The following ZFHX3 variants were observed in gnomAD, a reference collection of about 807,000 sequenced individuals.
ZFHX3 encodes the protein zinc finger homeobox 3.
Under a neutral mutation model 279.1 loss-of-function variants are expected in ZFHX3, and 42 were observed. The observed-to-expected ratio is 0.15, with a 90% confidence interval of 0.12 to 0.19. The LOEUF is 0.19. Among genes scored for constraint, ZFHX3 ranks in the 10% least tolerant of loss-of-function variants. The pLI is 1.00. For synonymous variants in ZFHX3, 2,293 were observed against 1,957.8 expected (o/e 1.17, Z -4.52); for missense variants, 4,981 against 4,754.0 (o/e 1.05, Z -1.40).
At chr16:73,604,759 A>G (rs1358184378) in intron 2 of ZFHX3, among the ~76,000 whole-genome samples, 1 of 141,562 alleles carries the variant, frequency 7.1e-6, no homozygotes, top group Non-Finnish European at 1.6e-5. Context: ...AAAAAAAAAA[A>G]TCTCCCATGA....
chr16:73,655,749 A>C (rs1227489873), intron 2 of ZFHX3, among the ~76,000 whole-genome samples: 1 of 152,198 alleles, frequency 6.6e-6, no homozygotes, highest in East Asian at 1.9e-4. Context: ...GGAATTCTAA[A>C]ACACTTCTAG....
At chr16:73,717,140 G>T in intron 1 of ZFHX3, among the ~76,000 whole-genome samples, 1 of 152,138 alleles carries the variant, frequency 6.6e-6, no homozygotes, top group East Asian at 1.9e-4. Context: ...TATTCTGAAC[G>T]CAGTTATACC....
chr16:72,896,936 A>G (rs778964493), intron 3 of ZFHX3, among the ~76,000 whole-genome samples: 2 of 152,212 alleles, frequency 1.3e-5, no homozygotes, highest in Non-Finnish European at 2.9e-5. Context: ...CTACAGACAC[A>G]CCCGTGGCCG....
intron 1 of ZFHX3, among the ~76,000 whole-genome samples, chr16:73,771,427 T>C (rs1489966840): frequency 6.6e-6 from 1 of 152,134 alleles, no homozygotes; most frequent in Non-Finnish European, 1.5e-5. Context: ...CATGGACAAA[T>C]GAGGTCATAC....
chr16:73,821,088 C>A (rs1960726933), intron 1 of ZFHX3, among the ~76,000 whole-genome samples: 1 of 152,142 alleles, frequency 6.6e-6, no homozygotes, highest in Non-Finnish European at 1.5e-5. Context: ...AACACAGATT[C>A]AAAAACAGTC....
intron 2 of ZFHX3, among the ~76,000 whole-genome samples, chr16:72,952,813 A>G (rs1236365564): frequency 6.6e-6 from 1 of 152,202 alleles, no homozygotes. Context: ...TGGCTTAAAA[A>G]GAGCAGCCTT....
At chr16:72,812,174 T>C (rs1228551619) in intron 5 of ZFHX3, 136 bp from the exon 6 acceptor site, 2 of 1,237,648 alleles carry the variant, frequency 1.6e-6, no homozygotes, top group African/African-American at 3.1e-5. Context: ...AGGATGAACA[T>C]CCGGACTGAT....
At chr16:73,410,744 T>C (rs898325741) in intron 3 of ZFHX3, among the ~76,000 whole-genome samples, 2 of 152,242 alleles carry the variant, frequency 1.3e-5, no homozygotes, top group Non-Finnish European at 2.9e-5. Context: ...CATCCTCTGA[T>C]GATACTAATG....
chr16:73,886,381 G>A (rs2030347202), intron 1 of ZFHX3, among the ~76,000 whole-genome samples: 1 of 152,106 alleles, frequency 6.6e-6, no homozygotes, highest in Admixed American at 6.6e-5. Flanking sequence ...ACATTTGAAA[G>A]AAAGGGATCT....
intron 1 of ZFHX3, among the ~76,000 whole-genome samples, chr16:73,746,154 A>G (rs889445302): frequency 7.9e-5 from 12 of 152,248 alleles, no homozygotes; most frequent in African/African-American, 2.6e-4. Flanking sequence ...AATCAAGCAT[A>G]TCATTTGATT....
At chr16:73,732,167 A>G in intron 1 of ZFHX3, among the ~76,000 whole-genome samples, 1 of 152,226 alleles carries the variant, frequency 6.6e-6, no homozygotes, top group East Asian at 1.9e-4. Flanking sequence ...CAAGTTTGAT[A>G]TCAAACCAAA....
chr16:72,857,280 C>G (rs2037775558), intron 4 of ZFHX3, among the ~76,000 whole-genome samples: 1 of 152,198 alleles, frequency 6.6e-6, no homozygotes. Context: ...ATACCCAAGG[C>G]TAACCAAATC....
At chr16:72,882,635 G>A (rs1181686914) in intron 4 of ZFHX3, among the ~76,000 whole-genome samples, 1 of 152,110 alleles carries the variant, frequency 6.6e-6, no homozygotes, top group Non-Finnish European at 1.5e-5. Context: ...TCTCCAGGGG[G>A]ACCTTCCAGG....
chr16:72,867,044 G>C (rs1420508809), intron 4 of ZFHX3, among the ~76,000 whole-genome samples: 1 of 152,166 alleles, frequency 6.6e-6, no homozygotes, highest in African/African-American at 2.4e-5. Flanking sequence ...GTAATTAAGA[G>C]TGCACCTCAT....
rs530360851 is a variant in ZFHX3 at position 72,898,874 on chromosome 16, C to A, written c.3217-8912G>T. 5.3e-5 allele frequency among the ~76,000 whole-genome samples: 8 copies of A among 152,074 alleles called. No individual in the cohort carries two copies. In the South Asian group the frequency reaches 1.7e-3, roughly 32 times the overall value. On this transcript the variant is annotated intron_variant, in intron 3 of 9. Transcript: ENST00000268489. ...GGTAGGACCCTGAGGAAGGGGCCTA[C>A]CAGATCATAATGTCACAAGCAAAAT...
intron 3 of ZFHX3, among the ~76,000 whole-genome samples, chr16:73,333,880 A>C (rs1460950811): frequency 6.7e-6 from 1 of 149,808 alleles, no homozygotes; most frequent in Non-Finnish European, 1.5e-5. Context: ...CAGGTTAAGG[A>C]CCACAGCTGA....
chr16:72,903,501 C>A (rs2039091556), intron 3 of ZFHX3, among the ~76,000 whole-genome samples: 1 of 152,150 alleles, frequency 6.6e-6, no homozygotes, highest in Non-Finnish European at 1.5e-5. Context: ...GGAGTTGGAC[C>A]TTTCTGGATC....
At position 73,723,474 on chromosome 16, in the gene ZFHX3, A is replaced by G. The variant is rs80294036; in HGVS notation, c.-1607-43234T>C. ...GTTCTTGAAGATTATTGAGTAAAGA[A>G]AAATGTTCACAATGTATTGTTGACA... On this transcript the variant is annotated intron_variant, in intron 1 of 17. Coordinates refer to the ZFHX3 transcript ENST00000641206. Among the ~76,000 whole-genome samples, 12 of 152,306 alleles carry G rather than the reference A, an allele frequency of 7.9e-5. No homozygotes were observed. In the East Asian group the frequency reaches 2.1e-3, roughly 27 times the overall value.
intron 7 of ZFHX3, among the ~76,000 whole-genome samples, chr16:73,129,038 T>A (rs1404873323): frequency 6.6e-6 from 1 of 152,076 alleles, no homozygotes; most frequent in African/African-American, 2.4e-5. Flanking sequence ...CCCCACACTC[T>A]TCCAAAGGGG....
Sources: allele counts gnomAD v4.1 joint callset (sites outside exome capture counted in the v4.1 genomes callset), GRCh38; gene constraint gnomAD v4.1.1; transcripts MANE v1.5; gene names NCBI Gene and HGNC (gene_info 2026-07-23, HGNC 2026-07-21).